C4BPA: variants seen among roughly 807,000 people sequenced by gnomAD.
C4BPA encodes the protein complement component 4 binding protein alpha, also known as C4b-binding protein alpha chain.
A neutral mutation model predicts 63.7 loss-of-function variants in C4BPA; 31 were observed. The observed-to-expected ratio is 0.49, with a 90% CI of 0.37 to 0.66. C4BPA has a LOEUF of 0.66. Ranked by LOEUF, C4BPA falls within the 30% of genes least tolerant of loss-of-function variation. The pLI is 0.00. For synonymous variants in C4BPA, 259 were observed against 254.7 expected (o/e 1.02, Z -0.16); for missense variants, 572 against 723.3 (o/e 0.79, Z 2.40).
At chr1:207,107,459 G>T (rs995088672) in intron 1 of C4BPA, among the ~76,000 whole-genome samples, 4 of 152,198 alleles carry the variant, frequency 2.6e-5, no homozygotes, top group Non-Finnish European at 5.9e-5. Flanking sequence ...TGAGGTGGGA[G>T]CATCATTCGA....
At chr1:207,117,840 C>T (rs1276319334) in intron 4 of C4BPA, among the ~76,000 whole-genome samples, 2 of 152,136 alleles carry the variant, frequency 1.3e-5, no homozygotes, top group African/African-American at 4.8e-5. Flanking sequence ...GGTCAGAGTG[C>T]CCTTCCTGCA....
At chr1:207,126,946 C>G (rs751596224) in intron 7 of C4BPA, 51 bp downstream of exon 7, 2 of 1,427,972 alleles carry the variant, frequency 1.4e-6, no homozygotes, top group African/African-American at 2.8e-5. Flanking sequence ...AAAGGTACCC[C>G]GTACTGTTAA....
intron 2 of C4BPA, 107 bp from the exon 3 acceptor site, chr1:207,113,993 C>A: frequency 1.1e-6 from 1 of 898,164 alleles, no homozygotes; most frequent in Non-Finnish European, 1.7e-6. Context: ...GACTAGAGAT[C>A]ATTCTTGAAA....
intron 1 of C4BPA, among the ~76,000 whole-genome samples, chr1:207,105,691 C>G (rs1217897916): frequency 1.3e-5 from 2 of 151,884 alleles, no homozygotes; most frequent in African/African-American, 4.8e-5. Context: ...CAGCCCGAGA[C>G]TGGAGAAAAA....
intron 1 of C4BPA, among the ~76,000 whole-genome samples, chr1:207,105,567 A>G (rs1684542682): frequency 6.6e-6 from 1 of 150,770 alleles, no homozygotes; most frequent in Admixed American, 6.7e-5. Flanking sequence ...CAAAAAAAAA[A>G]AAAAAAGAAA....
intron 1 of C4BPA, among the ~76,000 whole-genome samples, chr1:207,109,315 T>C (rs563421549): frequency 2.0e-5 from 3 of 152,350 alleles, no homozygotes; most frequent in African/African-American, 7.2e-5. Context: ...TGTTTTGACA[T>C]CCAGGAGTTT....
intron 9 of C4BPA, among the ~76,000 whole-genome samples, chr1:207,139,121 T>C (rs747563388): frequency 6.6e-6 from 1 of 152,186 alleles, no homozygotes; most frequent in Non-Finnish European, 1.5e-5. Flanking sequence ...ACACCTTCCA[T>C]GTATATGCAA....
At position 207,119,798 on chromosome 1, in the gene C4BPA, T is replaced by C. The variant is rs1470474673; in HGVS notation, c.429-4124T>C. On this transcript the variant is annotated intron_variant, in intron 4 of 11. Coordinates refer to ENST00000367070, the MANE Select transcript of C4BPA (RefSeq NM_000715.4). ...AAGAAAGAAATATTCACAACTTTTA[T>C]GGTCCTTGTTTATGCAACTGGTCAT... Among the ~76,000 whole-genome samples the C allele has an allele frequency of 2.1e-5, 3 of 140,826 alleles. 1 individual carries two copies. Among genetic ancestry groups the C allele is most frequent in the African/African-American group, 7.6e-5 (3 of 39,614 alleles). The allele number at this position is 140,826 out of a possible 152,430, so 92.4% of individuals were successfully genotyped here.
intron 3 of C4BPA, 29 bp from the exon 4 acceptor site, chr1:207,115,387 A>T: frequency 1.6e-6 from 2 of 1,221,206 alleles, no homozygotes; most frequent in Middle Eastern, 1.9e-4. Context: ...ACTTGGAAGT[A>T]CTAATCATCA....
chr1:207,122,344 G>T (rs1010953464), intron 4 of C4BPA, among the ~76,000 whole-genome samples: 8 of 152,064 alleles, frequency 5.3e-5, no homozygotes, highest in African/African-American at 1.9e-4. Context: ...ATGTCTTATA[G>T]GTACTGCTGC....
chr1:207,122,697 T>G (rs1684944191), intron 4 of C4BPA, among the ~76,000 whole-genome samples: 1 of 152,052 alleles, frequency 6.6e-6, no homozygotes, highest in African/African-American at 2.4e-5. Flanking sequence ...CCTCAGCCTC[T>G]CAAGTAGCTG....
At chr1:207,128,004 C>T (rs1472452636) in intron 7 of C4BPA, among the ~76,000 whole-genome samples, 2 of 152,142 alleles carry the variant, frequency 1.3e-5, no homozygotes, top group Non-Finnish European at 2.9e-5. Context: ...AGCAAACATG[C>T]ATCAGTGTCT....
At chr1:207,133,429 A>G (rs1280907492) in intron 8 of C4BPA, among the ~76,000 whole-genome samples, 1 of 152,166 alleles carries the variant, frequency 6.6e-6, no homozygotes, top group African/African-American at 2.4e-5. Flanking sequence ...ACTAATGAAT[A>G]AAAAAATATG....
intron 1 of C4BPA, among the ~76,000 whole-genome samples, chr1:207,106,446 T>TTTTTTTTTTTTTC: frequency 6.6e-6 from 1 of 150,582 alleles, no homozygotes; most frequent in Non-Finnish European, 1.5e-5. Flanking sequence ...TGTAAGTTTT[T>TTTTTTTTTTTTTC]TTTTTTTTTT....
At position 207,143,978 on chromosome 1, in the gene C4BPA, G is replaced by C. The variant is rs150551566; in HGVS notation, c.1605G>C (p.Val535=). 7.0e-5 allele frequency: 111 copies of C among 1,580,986 alleles called. No individual in the cohort carries two copies. The highest frequency in any genetic ancestry group is 6.8e-4 in the Middle Eastern group (4 of 5,868). ...GGAACAGAACCTGGTACCCAGAGGTGCCCAAGTGTGAGTGGGTAAGTGGCA... is the reference window on the plus strand; with the variant it reads ...GGAACAGAACCTGGTACCCAGAGGTCCCCAAGTGTGAGTGGGTAAGTGGCA... ...CSGNRTWYPE[V]PKCEWETPEG... is the part of the protein sequence containing the mutation. The change falls in exon 11 of 12, where the codon GTG becomes GTC. Residue 535 remains valine, a synonymous_variant. Transcript: ENST00000367070.
chr1:207,144,034 C>G, intron 11 of C4BPA, 41 bp downstream of exon 11: 1 of 1,473,360 alleles, frequency 6.8e-7, no homozygotes, highest in African/African-American at 1.4e-5. Context: ...CTGTCGACCC[C>G]TAAAAATGGT....
intron 1 of C4BPA, among the ~76,000 whole-genome samples, chr1:207,106,061 G>A (rs951474775): frequency 3.3e-5 from 5 of 152,302 alleles, no homozygotes; most frequent in Non-Finnish European, 5.9e-5. Context: ...TATCCAAGAA[G>A]CTGATATAGC....
rs1685234075 is a variant in C4BPA, at chr1:207,134,392, T to G, written c.1085-12T>G. The G allele has an allele frequency of 6.2e-7, 1 of 1,603,920 alleles. No homozygotes were observed. On this transcript the variant is annotated splice_polypyrimidine_tract_variant and intron_variant, in intron 8 of 11. Coordinates refer to ENST00000367070, the MANE Select transcript of C4BPA (RefSeq NM_000715.4). ...ATTTTACTAACCATGCACCTCACAT[T>G]TTATTTTTCAGCGTTATGTTGCCCT...
chr1:207,124,389 G>A (rs1223333432), intron 6 of C4BPA, 23 bp downstream of exon 6: 1 of 1,536,206 alleles, frequency 6.5e-7, no homozygotes, highest in East Asian at 2.3e-5. Context: ...GATGAATTCT[G>A]CATCAAAATG....
Sources: allele counts gnomAD v4.1 joint callset (sites outside exome capture counted in the v4.1 genomes callset), GRCh38; gene constraint gnomAD v4.1.1; transcripts MANE v1.5; gene names NCBI Gene and HGNC (gene_info 2026-07-23, HGNC 2026-07-21).